Variants in EBF1 observed in about 807,000 individuals in gnomAD.
EBF1 encodes transcription factor COE1.
In EBF1, 10 loss-of-function variants were observed where a neutral mutation model predicts 68.4. The ratio of observed to expected loss-of-function variants is 0.15; its 90% CI spans 0.09 to 0.25. EBF1 has a LOEUF of 0.25. EBF1 is among the 10% of genes least tolerant of loss of function. The pLI is 1.00. For missense variants in EBF1, 509 were observed against 794.4 expected (o/e 0.64, Z 4.32); for synonymous variants, 298 against 299.8 (o/e 0.99, Z 0.06).
chr5:159,026,516 A>C (rs916954564), intron 6 of EBF1, among the ~76,000 whole-genome samples: 5 of 152,142 alleles, frequency 3.3e-5, no homozygotes, highest in African/African-American at 1.2e-4. Flanking sequence ...AATGCTGGGA[A>C]AACTAGAACT....
chr5:158,746,156 C>A (rs934300973), intron 10 of EBF1, among the ~76,000 whole-genome samples: 7 of 152,198 alleles, frequency 4.6e-5, no homozygotes, highest in Non-Finnish European at 7.3e-5. Context: ...GTACACGCAT[C>A]ATTAGAAGAC....
chr5:158,887,861 G>A (rs953594338), intron 6 of EBF1, among the ~76,000 whole-genome samples: 3 of 152,130 alleles, frequency 2.0e-5, no homozygotes, highest in African/African-American at 7.2e-5. Flanking sequence ...AAGAGTGGGG[G>A]GAAAAGCCTT....
intron 11 of EBF1, among the ~76,000 whole-genome samples, chr5:158,721,367 T>C (rs1187791095): frequency 6.6e-6 from 1 of 152,144 alleles, no homozygotes; most frequent in African/African-American, 2.4e-5. Flanking sequence ...ACTTACGTGA[T>C]TGACTTTTAC....
At chr5:158,826,038 C>T (rs531808937) in intron 7 of EBF1, among the ~76,000 whole-genome samples, 1 of 152,134 alleles carries the variant, frequency 6.6e-6, no homozygotes, top group South Asian at 2.1e-4. Flanking sequence ...TAATAAGGTG[C>T]TGACACATTC....
intron 8 of EBF1, among the ~76,000 whole-genome samples, chr5:158,811,385 A>T (rs1184677149): frequency 6.6e-6 from 1 of 152,152 alleles, no homozygotes; most frequent in Non-Finnish European, 1.5e-5. Flanking sequence ...TCCAATGTGG[A>T]GGGGAGGTTA....
Position 158,970,405 on chromosome 5 carries a change from A to C in EBF1, c.554+102991T>G, listed in dbSNP as rs193166371. Among the ~76,000 whole-genome samples the C allele has an allele frequency of 1.6e-3, 242 of 152,348 alleles. 1 individual carries two copies. The highest frequency in any genetic ancestry group is 5.5e-3 in the African/African-American group (230 of 41,574). Reference sequence around the variant, plus strand: ...AAAGTCACCTGGGGAAATCATGTGAAAAGGAGTGTTTATGCCAAATTACAC... The same window carrying C: ...AAAGTCACCTGGGGAAATCATGTGACAAGGAGTGTTTATGCCAAATTACAC... On this transcript the variant is annotated intron_variant, in intron 6 of 15. Transcript: ENST00000313708.
intron 10 of EBF1, among the ~76,000 whole-genome samples, chr5:158,752,387 A>G (rs893339775): frequency 6.6e-6 from 1 of 151,690 alleles, no homozygotes; most frequent in African/African-American, 2.4e-5. Context: ...TCCATTTCTT[A>G]GGAAATCTAT....
chr5:158,814,158 C>G (rs969741454), intron 8 of EBF1, among the ~76,000 whole-genome samples: 1 of 152,134 alleles, frequency 6.6e-6, no homozygotes, highest in Non-Finnish European at 1.5e-5. Context: ...CCAGCCTGAG[C>G]AACATAGGAA....
chr5:159,015,682 AAAGCCCAC>A (rs992037553), intron 6 of EBF1, among the ~76,000 whole-genome samples: 4 of 152,210 alleles, frequency 2.6e-5, no homozygotes, highest in African/African-American at 9.6e-5. Context: ...CCATCCCACC[AAAGCCCAC>A]ATGAAGAACA....
At chr5:158,860,725 C>G (rs948526919) in intron 6 of EBF1, among the ~76,000 whole-genome samples, 53 of 152,346 alleles carry the variant, frequency 3.5e-4, no homozygotes, top group African/African-American at 1.3e-3. Flanking sequence ...TCTGATGGCT[C>G]AGACTCTTTT....
intron 5 of EBF1, among the ~76,000 whole-genome samples, chr5:159,076,174 T>A (rs1043107480): frequency 6.6e-6 from 1 of 152,218 alleles, no homozygotes; most frequent in Admixed American, 6.5e-5. Context: ...AGGAAGAAAC[T>A]ATCAATTTTA....
chr5:159,003,027 C>A (rs1762865227), intron 6 of EBF1, among the ~76,000 whole-genome samples: 2 of 152,186 alleles, frequency 1.3e-5, no homozygotes, highest in South Asian at 4.1e-4. Flanking sequence ...GCTTCTACTG[C>A]CAGATACATT....
At chr5:159,084,631 T>C in intron 5 of EBF1, 35 bp downstream of exon 5, 2 of 1,502,026 alleles carry the variant, frequency 1.3e-6, no homozygotes, top group Non-Finnish European at 8.9e-7. Flanking sequence ...ATCTTCTCTT[T>C]GCTAATTAAC....
chr5:158,767,405 G>T (rs10067813), intron 10 of EBF1, among the ~76,000 whole-genome samples: 30,785 of 151,978 alleles, frequency 0.2, 3,563 homozygotes, highest in African/African-American at 0.3. Flanking sequence ...ACCAACAACT[G>T]CATTTCAGGG....
intron 4 of EBF1, among the ~76,000 whole-genome samples, chr5:159,090,913 T>C (rs1234900048): frequency 6.6e-6 from 1 of 152,194 alleles, no homozygotes; most frequent in East Asian, 1.9e-4. Context: ...TATTTAATTC[T>C]CACAACGGAG....
intron 4 of EBF1, among the ~76,000 whole-genome samples, chr5:159,086,080 AT>A (rs1561982179): frequency 2.0e-5 from 3 of 152,264 alleles, no homozygotes; most frequent in South Asian, 4.1e-4. Context: ...TATTTTAAAA[AT>A]TTTTTTACTT....
In EBF1 at chr5:159,099,518, A is replaced by C; in HGVS notation, c.-40T>G. The C allele has an allele frequency of 7.6e-7, 1 of 1,313,386 alleles. No individual in the cohort carries two copies. Among genetic ancestry groups the C allele is most frequent in the Non-Finnish European group, 9.7e-7 (1 of 1,029,220 alleles). The allele number at this position is 1,313,386 out of a possible 1,614,324, so 81.4% of individuals were successfully genotyped here. On this transcript the variant is annotated 5_prime_UTR_variant, in exon 1 of 16. Transcript: ENST00000313708. ...CTTGTGGAAAATCTCCTCCCCCTTGAAAAAAATTAAAAAAAAAAAAAAAGG... is the reference window on the plus strand; with the variant it reads ...CTTGTGGAAAATCTCCTCCCCCTTGCAAAAAATTAAAAAAAAAAAAAAAGG...
At chr5:158,803,671 C>G (rs1293676043) in intron 8 of EBF1, among the ~76,000 whole-genome samples, 1 of 151,490 alleles carries the variant, frequency 6.6e-6, no homozygotes, top group Non-Finnish European at 1.5e-5. Flanking sequence ...ATAAACTCAG[C>G]CAATAAACAA....
intron 10 of EBF1, among the ~76,000 whole-genome samples, chr5:158,732,074 A>G (rs936421683): frequency 6.6e-6 from 1 of 152,154 alleles, no homozygotes; most frequent in African/African-American, 2.4e-5. Context: ...GCTCCTATCC[A>G]TAGCCTCCAC....
Sources: gnomAD v4.1 joint callset for allele counts (sites outside exome capture counted in the v4.1 genomes callset) on GRCh38, gnomAD v4.1.1 for gene constraint, MANE v1.5 for transcripts, NCBI Gene and HGNC (gene_info 2026-07-23, HGNC 2026-07-21) for gene names.